ASMTL: variants seen among roughly 807,000 people sequenced by gnomAD.
ASMTL encodes acetylserotonin O-methyltransferase like, also known as probable bifunctional dTTP/UTP pyrophosphatase/methyltransferase protein.
Under a neutral mutation model 60.3 loss-of-function variants are expected in ASMTL, and 57 were observed. The observed-to-expected ratio is 0.95, with a 90% CI of 0.76 to 1.18. The LOEUF (loss-of-function observed/expected upper bound fraction) is 1.18. ASMTL is among the 50% of genes most tolerant of loss of function. The pLI is 0.00. For synonymous variants in ASMTL, 419 were observed against 373.0 expected (o/e 1.12, Z -1.42); for missense variants, 981 against 852.6 (o/e 1.15, Z -1.88).
rs780026450 is a variant in ASMTL at position 1,412,713 on chromosome X, C to G, written c.1645+19G>C. 2.5e-6 allele frequency: 4 copies of G among 1,613,974 alleles called. No individual in the cohort carries two copies. Among genetic ancestry groups the G allele is most frequent in the Non-Finnish European group, 1.7e-6 (2 of 1,179,856 alleles). ...ACTACGTCTTAACAAAAACAGCTAA[C>G]CTGACGATGGGCTCTCACCTGGCTT... On this transcript the variant is annotated intron_variant, in intron 12 of 12. Transcript: ENST00000381317.
At chrX:1,413,778 A>AG (rs1491275491) in intron 11 of ASMTL, 1 of 150,696 alleles carries the variant, frequency 6.6e-6, no homozygotes. Context: ...AAGAGGAGAC[A>AG]GACACAGAGG....
intron 12 of ASMTL, among the ~76,000 whole-genome samples, chrX:1,411,279 G>A (rs187017597): frequency 6.6e-6 from 1 of 152,314 alleles, no homozygotes; most frequent in East Asian, 1.9e-4. Context: ...TTGAGCCTAT[G>A]GGGAGTCCTG....
At chrX:1,434,489 C>CAAAAAAAAAAAA (rs34994213) in intron 5 of ASMTL, among the ~76,000 whole-genome samples, 2 of 113,876 alleles carry the variant, frequency 1.8e-5, no homozygotes, top group African/African-American at 3.3e-5. Context: ...GACCCTGTCT[C>CAAAAAAAAAAAA]AAAAAAAAAA....
At chrX:1,428,739 C>G (rs1217617942) in intron 6 of ASMTL, among the ~76,000 whole-genome samples, 3 of 148,008 alleles carry the variant, frequency 2.0e-5, no homozygotes, top group African/African-American at 7.5e-5. Context: ...GCCAATTATC[C>G]CATTCAGCAT....
chrX:1,412,594 C>A, intron 12 of ASMTL, 138 bp downstream of exon 12: 2 of 1,152,778 alleles, frequency 1.7e-6, no homozygotes, highest in Non-Finnish European at 1.3e-6. Context: ...AACTCCTGAC[C>A]TCAGGTGATC....
chrX:1,439,180 T>G, intron 2 of ASMTL, 36 bp from the exon 3 acceptor site: 3 of 1,610,744 alleles, frequency 1.9e-6, no homozygotes, highest in Non-Finnish European at 2.5e-6. Context: ...ACCGGTGACG[T>G]GCCGTGGGTC....
At chrX:1,416,833 GCACACAGACATGCA>G (rs1379561848) in intron 11 of ASMTL, among the ~76,000 whole-genome samples, 8 of 142,406 alleles carry the variant, frequency 5.6e-5, no homozygotes, top group African/African-American at 1.3e-4. Context: ...ATACAGATGG[GCACACAGACATGCA>G]CACACAGACA....
intron 1 of ASMTL, among the ~76,000 whole-genome samples, chrX:1,451,539 G>GATCTCGGC (rs2091384789): frequency 7.2e-6 from 1 of 138,788 alleles, no homozygotes; most frequent in Non-Finnish European, 1.5e-5. Context: ...TCCCTAGGGG[G>GATCTCGGC]TCCCAGGTTA....
chrX:1,411,964 A>G (rs1228482178), intron 12 of ASMTL, among the ~76,000 whole-genome samples: 1 of 151,644 alleles, frequency 6.6e-6, no homozygotes, highest in South Asian at 2.1e-4. Context: ...GGCACCCGCT[A>G]TCAAGCCCGG....
intron 11 of ASMTL, among the ~76,000 whole-genome samples, chrX:1,413,427 C>T (rs759757546): frequency 6.6e-6 from 1 of 152,324 alleles, no homozygotes; most frequent in African/African-American, 2.4e-5. Flanking sequence ...TGGGCGTGTG[C>T]CAGGGAGAGT....
At chrX:1,417,142 CA>C (rs2090314526) in intron 11 of ASMTL, among the ~76,000 whole-genome samples, 1 of 151,436 alleles carries the variant, frequency 6.6e-6, no homozygotes, top group South Asian at 2.1e-4. Context: ...CACACAACCA[CA>C]GCAGTCACAT....
intron 9 of ASMTL, among the ~76,000 whole-genome samples, chrX:1,419,468 G>A (rs1417285716): frequency 1.3e-5 from 2 of 152,158 alleles, no homozygotes; most frequent in Non-Finnish European, 2.9e-5. Context: ...AGAAAACCAG[G>A]AGAGAAGCCA....
rs1463891376 is a variant in ASMTL, at chrX:1,411,991, G to C, written c.1645+741C>G. ...CAAGCCCGGCTTATTTTTTGTGTTTGTTTTTAATAGAGACGGGGTTTCACC... is the reference window on the plus strand; with the variant it reads ...CAAGCCCGGCTTATTTTTTGTGTTTCTTTTTAATAGAGACGGGGTTTCACC... On this transcript the variant is annotated intron_variant, in intron 12 of 12. Coordinates refer to ENST00000381317, the MANE Select transcript of ASMTL (RefSeq NM_004192.4). 3.3e-5 allele frequency among the ~76,000 whole-genome samples: 5 copies of C among 151,392 alleles called. No homozygotes were observed. In the South Asian group the frequency reaches 8.3e-4, roughly 25 times the overall value.
At chrX:1,435,878 G>T in intron 3 of ASMTL, 120 bp from the exon 4 acceptor site, 1 of 858,282 alleles carries the variant, frequency 1.2e-6, no homozygotes, top group Non-Finnish European at 2.0e-6. Context: ...CACGTCCTGA[G>T]AGTCGCCATT....
intron 2 of ASMTL, among the ~76,000 whole-genome samples, chrX:1,440,936 T>G (rs151235585): frequency 0.012 from 1,821 of 152,288 alleles, 18 homozygotes; most frequent in Non-Finnish European, 0.017. Flanking sequence ...TTCTATATCG[T>G]AACTGATATT....
At chrX:1,410,416 C>A (rs1258321757) in intron 12 of ASMTL, among the ~76,000 whole-genome samples, 10 of 145,704 alleles carry the variant, frequency 6.9e-5, no homozygotes, top group African/African-American at 2.5e-4. Context: ...CCACAAAAAA[C>A]TTTTTTTTTT....
At chrX:1,419,700 C>G (rs1395113506) in intron 9 of ASMTL, among the ~76,000 whole-genome samples, 1 of 152,154 alleles carries the variant, frequency 6.6e-6, no homozygotes, top group African/African-American at 2.4e-5. Context: ...GGCAAGCAAG[C>G]CCAGCTGAGG....
chrX:1,452,623 C>G, intron 1 of ASMTL, 125 bp downstream of exon 1: 3 of 750,754 alleles, frequency 4.0e-6, no homozygotes, highest in Non-Finnish European at 6.3e-6. Flanking sequence ...ACTCTCCCCT[C>G]CCCCATCCCT....
chrX:1,427,891 T>C lies in ASMTL; in HGVS notation c.740A>G (p.Glu247Gly). The change falls in exon 7 of 13, where the codon GAG becomes GGG. Residue 247 changes from glutamate to glycine, a missense_variant. Glu to Gly is a moderately conservative substitution (Grantham distance 98). Transcript: ENST00000381317. ...GCTGCCCGCGTCCCTCTGAGTGGGC[T>C]CCGAGCCGCCCCCCTCCACGTCACT... is the stretch of plus-strand genomic sequence containing the variant. ...DLSDVEGGGS[E>G]PTQRDAGSRD... The C allele has an allele frequency of 6.2e-7, 1 of 1,613,226 alleles. No individual in the cohort carries two copies. Among genetic ancestry groups the C allele is most frequent in the Non-Finnish European group, 8.5e-7 (1 of 1,179,824 alleles).
Sources: gnomAD v4.1 joint callset for allele counts (sites outside exome capture counted in the v4.1 genomes callset) on GRCh38, gnomAD v4.1.1 for gene constraint, MANE v1.5 for transcripts, NCBI Gene and HGNC (gene_info 2026-07-23, HGNC 2026-07-21) for gene names.